AP3B1: variants seen among roughly 807,000 people sequenced by gnomAD.
AP3B1 encodes the protein adaptor related protein complex 3 subunit beta 1.
A neutral mutation model predicts 132.5 loss-of-function variants in AP3B1; 61 were observed. The observed-to-expected ratio is 0.46, with a 90% CI of 0.37 to 0.57. The LOEUF (loss-of-function observed/expected upper bound fraction) is 0.57. Among genes scored for constraint, AP3B1 ranks in the 20% least tolerant of loss-of-function variants. The probability of loss-of-function intolerance (pLI) is 0.00; values close to 1 mark genes in which losing one functional copy is unlikely to be tolerated. For missense variants in AP3B1, 1,120 were observed against 1,289.4 expected (o/e 0.87, Z 2.01); for synonymous variants, 388 against 438.3 (o/e 0.89, Z 1.43).
At chr5:78,141,091 G>C (rs565501703) in intron 15 of AP3B1, 52 bp downstream of exon 15, 2 of 1,538,388 alleles carry the variant, frequency 1.3e-6, no homozygotes, top group Non-Finnish European at 1.8e-6. Context: ...TGTTTGATCA[G>C]AGTGAAGAGG....
rs181683458 is a variant in AP3B1 at position 78,183,392 on chromosome 5, A to G, written c.787-1730T>C. 1.2e-4 allele frequency among the ~76,000 whole-genome samples: 19 copies of G among 152,318 alleles called. No homozygotes were observed. The East Asian group carries it at 3.5e-3, about 28-fold the overall frequency. On this transcript the variant is annotated intron_variant, in intron 7 of 26. Coordinates refer to ENST00000255194, the MANE Select transcript of AP3B1 (RefSeq NM_003664.5). Reference sequence around the variant, plus strand: ...CCAAGTTTCAATTAAAAAATCACTCATCATTCCAAGAGAAAGGAAGATCTC... The same window carrying G: ...CCAAGTTTCAATTAAAAAATCACTCGTCATTCCAAGAGAAAGGAAGATCTC...
At chr5:78,064,295 A>G (rs1024920228) in intron 22 of AP3B1, among the ~76,000 whole-genome samples, 1 of 152,046 alleles carries the variant, frequency 6.6e-6, no homozygotes, top group Admixed American at 6.6e-5. Flanking sequence ...AGAGATCACA[A>G]TTTAATTCAT....
chr5:78,174,215 G>A (rs978004411), intron 11 of AP3B1, among the ~76,000 whole-genome samples: 6 of 152,134 alleles, frequency 3.9e-5, no homozygotes, highest in Admixed American at 2.0e-4. Context: ...TCCATCCAGC[G>A]TTGTTCTGTT....
At chr5:78,157,097 GA>G (rs1488416015) in intron 13 of AP3B1, among the ~76,000 whole-genome samples, 1 of 152,066 alleles carries the variant, frequency 6.6e-6, no homozygotes, top group African/African-American at 2.4e-5. Flanking sequence ...GGAGGGCGGG[GA>G]TATTTGTTAT....
chr5:78,188,451 T>C (rs1464793456), intron 7 of AP3B1, among the ~76,000 whole-genome samples: 2 of 152,152 alleles, frequency 1.3e-5, no homozygotes, highest in East Asian at 1.9e-4. Flanking sequence ...AAAAAAGATA[T>C]ACATGCAGCC....
intron 6 of AP3B1, among the ~76,000 whole-genome samples, chr5:78,221,011 T>C (rs576147823): frequency 6.6e-5 from 10 of 152,218 alleles, no homozygotes; most frequent in Non-Finnish European, 7.4e-5. Flanking sequence ...ATCACACCAC[T>C]GCACTCCAGC....
intron 1 of AP3B1, among the ~76,000 whole-genome samples, chr5:78,284,326 C>A (rs1749182451): frequency 6.6e-6 from 1 of 152,204 alleles, no homozygotes; most frequent in Non-Finnish European, 1.5e-5. Context: ...GTGCTACTAT[C>A]TAACATCATT....
chr5:78,154,973 T>C (rs1743087570), intron 14 of AP3B1, among the ~76,000 whole-genome samples: 1 of 152,206 alleles, frequency 6.6e-6, no homozygotes, highest in Non-Finnish European at 1.5e-5. Context: ...TGTAGTTTGT[T>C]TGGTGAGGCC....
At chr5:78,099,063 G>A (rs1285210946) in intron 21 of AP3B1, among the ~76,000 whole-genome samples, 1 of 152,126 alleles carries the variant, frequency 6.6e-6, no homozygotes, top group Non-Finnish European at 1.5e-5. Context: ...TGGGATTATT[G>A]CCCTTATAAA....
intron 3 of AP3B1, among the ~76,000 whole-genome samples, chr5:78,229,121 G>A (rs950355371): frequency 1.3e-5 from 2 of 151,610 alleles, no homozygotes; most frequent in East Asian, 1.9e-4. Flanking sequence ...TTATAGAGAC[G>A]GGGTCTTCCT....
intron 18 of AP3B1, among the ~76,000 whole-genome samples, chr5:78,115,050 C>T (rs1751765826): frequency 6.6e-6 from 1 of 152,164 alleles, no homozygotes; most frequent in Admixed American, 6.5e-5. Flanking sequence ...CAGGGTAAGG[C>T]ACTCATCATT....
chr5:78,068,678 G>C (rs1300892670), intron 22 of AP3B1, among the ~76,000 whole-genome samples: 1 of 152,158 alleles, frequency 6.6e-6, no homozygotes, highest in East Asian at 1.9e-4. Context: ...GAAATATAAA[G>C]AGGAGATGAT....
At chr5:78,242,186 T>G (rs1747165995) in intron 2 of AP3B1, among the ~76,000 whole-genome samples, 1 of 152,222 alleles carries the variant, frequency 6.6e-6, no homozygotes, top group Non-Finnish European at 1.5e-5. Context: ...CAATGTGCAC[T>G]AACATCTGTT....
chr5:78,230,164 CT>C (rs1158714206), intron 3 of AP3B1, among the ~76,000 whole-genome samples: 1 of 152,200 alleles, frequency 6.6e-6, no homozygotes, highest in East Asian at 1.9e-4. Flanking sequence ...CAAAATCCAA[CT>C]GTCCTCACGG....
Position 78,002,776 on chromosome 5 carries a change from A to C in AP3B1, c.*126T>G. On this transcript the variant is annotated 3_prime_UTR_variant, in exon 27 of 27. Coordinates refer to ENST00000255194, the MANE Select transcript of AP3B1 (RefSeq NM_003664.5). ...CTAGCATTCTAAAGCAGGAGACAAGAATGTCAAGAGTGTATTCTACCCCCA... is the reference window on the plus strand; with the variant it reads ...CTAGCATTCTAAAGCAGGAGACAAGCATGTCAAGAGTGTATTCTACCCCCA... 3.8e-6 allele frequency: 4 copies of C among 1,063,994 alleles called. No homozygotes were observed. The highest frequency in any genetic ancestry group is 5.9e-6 in the Non-Finnish European group (4 of 680,652). The allele number at this position is 1,063,994 out of a possible 1,614,324, so 65.9% of individuals were successfully genotyped here.
intron 2 of AP3B1, among the ~76,000 whole-genome samples, chr5:78,256,088 G>T (rs1162393199): frequency 6.6e-6 from 1 of 151,738 alleles, no homozygotes; most frequent in Non-Finnish European, 1.5e-5. Context: ...AACTTCAAAA[G>T]CACAATCTAA....
intron 24 of AP3B1, among the ~76,000 whole-genome samples, chr5:78,031,848 TAAAG>T (rs1358930988): frequency 6.6e-6 from 1 of 152,210 alleles, no homozygotes; most frequent in Admixed American, 6.5e-5. Flanking sequence ...CATTCACTAT[TAAAG>T]AATGTATTTT....
rs1199672973 is a variant in AP3B1 at position 78,020,756 on chromosome 5, C to T, written c.2928G>A (p.Gln976=). 2.5e-6 allele frequency: 4 copies of T among 1,612,350 alleles called. No individual in the cohort carries two copies. In the African/African-American group the frequency reaches 5.3e-5, roughly 22 times the overall value. Residue 976 remains glutamine, a synonymous_variant, in exon 25 of 27, where the codon CAG becomes CAA. Transcript: ENST00000255194. ...TKDDCFNVNI[Q]PPVGELLLPV... ...GTAAAAGCAGTTCTCCAACAGGTGG[C>T]TGAATATTAACATTGAAGCAATCAT...
intron 24 of AP3B1, among the ~76,000 whole-genome samples, chr5:78,029,385 A>G (rs1007388578): frequency 2.0e-5 from 3 of 151,192 alleles, no homozygotes; most frequent in East Asian, 1.9e-4. Context: ...TGATAAATGC[A>G]TACACACACA....
Sources: gnomAD v4.1 joint callset for allele counts (sites outside exome capture counted in the v4.1 genomes callset) on GRCh38, gnomAD v4.1.1 for gene constraint, MANE v1.5 for transcripts, NCBI Gene and HGNC (gene_info 2026-07-23, HGNC 2026-07-21) for gene names.